TRPM3: variants seen among roughly 807,000 people sequenced by gnomAD.
TRPM3 encodes transient receptor potential cation channel subfamily M member 3, also known as long transient receptor potential channel 3.
A neutral mutation model predicts 181.2 loss-of-function variants in TRPM3; 77 were observed. The ratio of observed to expected loss-of-function variants is 0.42; its 90% CI spans 0.35 to 0.51. The LOEUF (loss-of-function observed/expected upper bound fraction) is 0.51. Among genes scored for constraint, TRPM3 ranks in the 20% least tolerant of loss-of-function variants. The probability of loss-of-function intolerance (pLI) is 0.01; values close to 1 mark genes in which losing one functional copy is unlikely to be tolerated. For missense variants in TRPM3, 1,759 were observed against 2,196.7 expected (o/e 0.80, Z 3.98); for synonymous variants, 745 against 796.4 (o/e 0.94, Z 1.09).
At chr9:70,956,080 A>G (rs1372569546) in intron 1 of TRPM3, among the ~76,000 whole-genome samples, 1 of 152,146 alleles carries the variant, frequency 6.6e-6, no homozygotes, top group Non-Finnish European at 1.5e-5. Context: ...TATCATTTGA[A>G]GGGTGCCCGA....
At chr9:71,059,758 T>C (rs956906987) in intron 1 of TRPM3, among the ~76,000 whole-genome samples, 3 of 152,102 alleles carry the variant, frequency 2.0e-5, no homozygotes, top group African/African-American at 7.2e-5. Context: ...CCTGTCAACC[T>C]GCCCTACATA....
In TRPM3 at chr9:71,165,631, A is replaced by G. The variant is rs143005206; in HGVS notation, c.183+281022T>C. 6.6e-4 allele frequency among the ~76,000 whole-genome samples: 100 copies of G among 152,168 alleles called. 1 individual carries two copies. The East Asian group carries it at 0.019, about 29-fold the overall frequency. ...TTTCTCCCTGCCCTCTTTTCCCTCA[A>G]TCTGTAGAATGAGGAACCTAAAGGG... On this transcript the variant is annotated intron_variant, in intron 1 of 24. Transcript: ENST00000357533.
intron 1 of TRPM3, among the ~76,000 whole-genome samples, chr9:71,072,523 A>G (rs2062901121): frequency 6.6e-6 from 1 of 152,082 alleles, no homozygotes; most frequent in African/African-American, 2.4e-5. Context: ...GCCCCATTCC[A>G]TAGACAGGAA....
At chr9:70,936,045 C>T (rs1349471457) in intron 1 of TRPM3, among the ~76,000 whole-genome samples, 2 of 152,186 alleles carry the variant, frequency 1.3e-5, no homozygotes, top group African/African-American at 4.8e-5. Flanking sequence ...ATTGCCTTTG[C>T]AATGGAATTA....
intron 1 of TRPM3, among the ~76,000 whole-genome samples, chr9:71,266,816 T>C (rs185462835): frequency 2.5e-4 from 38 of 152,302 alleles, no homozygotes; most frequent in Admixed American, 2.0e-4. Context: ...TCTCTGACTT[T>C]ATAAATTTCA....
chr9:71,194,890 T>C (rs1288727909), intron 1 of TRPM3, among the ~76,000 whole-genome samples: 2 of 152,068 alleles, frequency 1.3e-5, no homozygotes, highest in South Asian at 2.1e-4. Context: ...CCAAAATCTA[T>C]ACTGCAAAAA....
intron 9 of TRPM3, among the ~76,000 whole-genome samples, chr9:70,669,353 G>A (rs1417354893): frequency 3.3e-5 from 5 of 152,202 alleles, no homozygotes; most frequent in Non-Finnish European, 7.3e-5. Flanking sequence ...ACTTGAGACT[G>A]GTGAACCCTG....
At chr9:70,835,502 T>G (rs1350873080) in intron 5 of TRPM3, among the ~76,000 whole-genome samples, 1 of 151,984 alleles carries the variant, frequency 6.6e-6, no homozygotes, top group Non-Finnish European at 1.5e-5. Flanking sequence ...ATTCCTTCCC[T>G]GGGCTCTAAT....
At chr9:71,249,093 T>A (rs1348117151) in intron 1 of TRPM3, among the ~76,000 whole-genome samples, 1 of 152,230 alleles carries the variant, frequency 6.6e-6, no homozygotes, top group Non-Finnish European at 1.5e-5. Context: ...ATTTGCAGAC[T>A]GTTAATAGCA....
At position 71,305,604 on chromosome 9, in the gene TRPM3, G is replaced by A. The variant is rs1251290872; in HGVS notation, c.183+141049C>T. On this transcript the variant is annotated intron_variant, in intron 1 of 24. Coordinates refer to the TRPM3 transcript ENST00000357533. ...ATTTTGATACAAAATGTTTTGTTTT[G>A]CTTATACAAAATTAAATTACTAGAT... 3.9e-5 allele frequency among the ~76,000 whole-genome samples: 6 copies of A among 152,214 alleles called. No homozygotes were observed. In the East Asian group the frequency reaches 1.2e-3, roughly 29 times the overall value.
intron 1 of TRPM3, among the ~76,000 whole-genome samples, chr9:71,345,540 G>A (rs1265386032): frequency 6.6e-6 from 1 of 151,874 alleles, no homozygotes; most frequent in Non-Finnish European, 1.5e-5. Flanking sequence ...AGTTGAACAT[G>A]AGAATACATG....
intron 1 of TRPM3, among the ~76,000 whole-genome samples, chr9:71,267,225 T>C (rs999169867): frequency 6.6e-6 from 1 of 152,124 alleles, no homozygotes; most frequent in Admixed American, 6.6e-5. Context: ...AGAAAAGCCC[T>C]CTAAGTTAAC....
intron 1 of TRPM3, among the ~76,000 whole-genome samples, chr9:71,047,497 T>A (rs139462553): frequency 6.6e-6 from 1 of 152,170 alleles, no homozygotes; most frequent in Non-Finnish European, 1.5e-5. Context: ...GCATGTCACA[T>A]AGAATGTTTA....
chr9:71,310,359 A>G (rs569496420), intron 1 of TRPM3, among the ~76,000 whole-genome samples: 1 of 152,234 alleles, frequency 6.6e-6, no homozygotes, highest in African/African-American at 2.4e-5. Flanking sequence ...AGGGTGATTT[A>G]ATTACAGTGT....
intron 1 of TRPM3, among the ~76,000 whole-genome samples, chr9:71,117,892 G>A (rs185791879): frequency 4.6e-5 from 7 of 152,050 alleles, no homozygotes; most frequent in East Asian, 1.9e-4. Context: ...CAGTAAGTTC[G>A]CCAAGACTTC....
intron 1 of TRPM3, among the ~76,000 whole-genome samples, chr9:71,322,651 A>T (rs1440510153): frequency 2.0e-5 from 3 of 152,114 alleles, no homozygotes. Context: ...GTGTCAATAG[A>T]GACAACAAAA....
intron 1 of TRPM3, among the ~76,000 whole-genome samples, chr9:70,868,608 C>T (rs1205566615): frequency 6.6e-6 from 1 of 152,040 alleles, no homozygotes; most frequent in East Asian, 1.9e-4. Context: ...CACATACACA[C>T]ACACAGGGTA....
intron 1 of TRPM3, among the ~76,000 whole-genome samples, chr9:71,280,155 A>T (rs1282998042): frequency 1.3e-5 from 2 of 151,868 alleles, no homozygotes; most frequent in Middle Eastern, 3.2e-3. Flanking sequence ...TGCTCTACTG[A>T]TACATGGTTT....
At chr9:71,371,607 T>C (rs1408193623) in intron 1 of TRPM3, among the ~76,000 whole-genome samples, 1 of 152,198 alleles carries the variant, frequency 6.6e-6, no homozygotes, top group Admixed American at 6.5e-5. Context: ...AAGTGATTTC[T>C]TGAGATGGAA....
Sources: allele counts gnomAD v4.1 joint callset (sites outside exome capture counted in the v4.1 genomes callset), GRCh38; gene constraint gnomAD v4.1.1; transcripts MANE v1.5; gene names NCBI Gene and HGNC (gene_info 2026-07-23, HGNC 2026-07-21).